ATG16L1: variants seen among roughly 807,000 people sequenced by gnomAD.
ATG16L1 encodes autophagy related 16 like 1.
Under a neutral mutation model 88.5 loss-of-function variants are expected in ATG16L1, and 37 were observed. The observed-to-expected ratio is 0.42, with a 90% CI of 0.32 to 0.55. The LOEUF is 0.55. Among genes scored for constraint, ATG16L1 ranks in the 20% least tolerant of loss-of-function variants. The pLI is 0.13. For synonymous variants in ATG16L1, 301 were observed against 281.0 expected, an observed-to-expected ratio of 1.07 and a Z score of -0.71; for missense variants, 554 against 752.8, an observed-to-expected ratio of 0.74 and a Z score of 3.09.
At position 233,264,914 on chromosome 2, in the gene ATG16L1, A is replaced by C. The variant is rs1229034511; in HGVS notation, c.412A>C (p.Ile138Leu). The C allele has an allele frequency of 1.9e-6, 3 of 1,614,006 alleles. No individual in the cohort carries two copies. Among genetic ancestry groups the C allele is most frequent in the Non-Finnish European group, 1.7e-6 (2 of 1,179,880 alleles). The part of the protein sequence containing the change: ...EAKIAECLQT[I>L]SDLETECLDL... ...CAGAATTGCAGAATGTTTGCAGACT[A>C]TCTCTGACCTGGAGACGGAGTGCCT... is the stretch of plus-strand genomic sequence containing the variant. Residue 138 changes from isoleucine to leucine, a missense_variant, in exon 5 of 18, where the codon ATC (isoleucine) becomes CTC (leucine). Coordinates refer to ENST00000392017, the MANE Select transcript of ATG16L1 (RefSeq NM_030803.7).
intron 5 of ATG16L1, chr2:233,265,941 G>A (rs981344636): frequency 1.3e-5 from 2 of 152,170 alleles, no homozygotes; most frequent in Non-Finnish European, 2.9e-5. Flanking sequence ...GCCCCAGAGA[G>A]CCCAGTCATC....
chr2:233,263,893 CATTT>C, intron 3 of ATG16L1, 95 bp from the exon 4 acceptor site: 2 of 1,186,936 alleles, frequency 1.7e-6, no homozygotes, highest in East Asian at 2.5e-5. Context: ...TCACCCAGCT[CATTT>C]ATTCTTTCTT....
intron 11 of ATG16L1, 147 bp downstream of exon 11, chr2:233,281,322 T>C: frequency 1.5e-6 from 1 of 655,582 alleles, no homozygotes; most frequent in Non-Finnish European, 2.5e-6. Context: ...GGAAATAGAT[T>C]ATAGGGTTAA....
At chr2:233,252,045 C>G in intron 1 of ATG16L1, 103 bp downstream of exon 1, 2 of 1,001,672 alleles carry the variant, frequency 2.0e-6, no homozygotes, top group Middle Eastern at 3.4e-4. Flanking sequence ...GCCGCCCGCA[C>G]GCATGGCGGC....
At chr2:233,278,274 ACCATCTCTTAGAAGTCTGAAG>A (rs1698506907) in intron 10 of ATG16L1, among the ~76,000 whole-genome samples, 1 of 152,218 alleles carries the variant, frequency 6.6e-6, no homozygotes, top group South Asian at 2.1e-4. Flanking sequence ...AGTTAATGAA[ACCATCTCTTAGAAGTCTGAAG>A]CCGGGCATTT....
At chr2:233,261,932 G>A (rs975509166) in intron 2 of ATG16L1, among the ~76,000 whole-genome samples, 1 of 152,180 alleles carries the variant, frequency 6.6e-6, no homozygotes, top group Non-Finnish European at 1.5e-5. Flanking sequence ...TGCTGACAGT[G>A]TCTACATGTT....
At chr2:233,268,343 C>T (rs1697750027) in intron 5 of ATG16L1, among the ~76,000 whole-genome samples, 1 of 152,178 alleles carries the variant, frequency 6.6e-6, no homozygotes, top group South Asian at 2.1e-4. Context: ...GCTGTAATCC[C>T]GGCTACTCAG....
intron 1 of ATG16L1, among the ~76,000 whole-genome samples, chr2:233,253,218 CCA>C (rs1696510402): frequency 6.6e-6 from 1 of 152,022 alleles, no homozygotes; most frequent in African/African-American, 2.4e-5. Context: ...TTTATCTTTC[CCA>C]AAATTCTGTG....
At chr2:233,294,052 C>A (rs979927632) in intron 17 of ATG16L1, among the ~76,000 whole-genome samples, 1 of 152,240 alleles carries the variant, frequency 6.6e-6, no homozygotes. Context: ...CCCAGCATGA[C>A]TTAATTAAGT....
At position 233,293,442 on chromosome 2, in the gene ATG16L1, A is replaced by T. The variant is rs1381468318; in HGVS notation, c.1730+85A>T. ...TCAGGGGTCATCCGGTTTAGACCTC[A>T]GTCGGCGCTGTGAGGGCACTGTCCG... On this transcript the variant is annotated intron_variant, in intron 17 of 17. Coordinates refer to ENST00000392017, the MANE Select transcript of ATG16L1 (RefSeq NM_030803.7). 4.7e-6 allele frequency: 6 copies of T among 1,288,482 alleles called. No individual in the cohort carries two copies. The Admixed American group carries it at 1.0e-4, about 22-fold the overall frequency. The allele number at this position is 1,288,482 out of a possible 1,614,324, so 79.8% of individuals were successfully genotyped here. A position where few individuals can be genotyped will look rare whatever the true frequency, so the allele number is the denominator to read the frequency against.
intron 5 of ATG16L1, among the ~76,000 whole-genome samples, chr2:233,268,915 A>G (rs1697789747): frequency 6.6e-6 from 1 of 152,216 alleles, no homozygotes; most frequent in Non-Finnish European, 1.5e-5. Flanking sequence ...AGAATTCTTG[A>G]TTGCAGCTCA....
intron 1 of ATG16L1, among the ~76,000 whole-genome samples, chr2:233,253,963 C>T (rs1221102263): frequency 6.6e-6 from 1 of 152,192 alleles, no homozygotes; most frequent in Non-Finnish European, 1.5e-5. Context: ...GCTTGACTCA[C>T]CCCTCACTGA....
intron 5 of ATG16L1, among the ~76,000 whole-genome samples, chr2:233,267,463 A>T (rs1291514442): frequency 2.0e-5 from 1 of 49,718 alleles, no homozygotes; most frequent in African/African-American, 5.3e-5. Context: ...ATACTTTTTT[A>T]AAAAAATGAC....
At chr2:233,293,763 T>C (rs1326746637) in intron 17 of ATG16L1, among the ~76,000 whole-genome samples, 4 of 152,148 alleles carry the variant, frequency 2.6e-5, no homozygotes, top group Admixed American at 2.6e-4. Context: ...ACACCTTCTT[T>C]TATCTTCCAC....
chr2:233,253,332 G>GTTTTTTTTTTTTTTTTTTTTTTTTTTT (rs570754671), intron 1 of ATG16L1, among the ~76,000 whole-genome samples: 3 of 112,890 alleles, frequency 2.7e-5, no homozygotes, highest in African/African-American at 3.3e-5. Context: ...GTGAGACTGG[G>GTTTTTTTTTTTTTTTTTTTTTTTTTTT]TTTTTTTGTT....
chr2:233,283,072 A>C (rs1404668156), intron 12 of ATG16L1: 1 of 270,656 alleles, frequency 3.7e-6, no homozygotes, highest in African/African-American at 2.2e-5. Context: ...GTGAATTGTG[A>C]TTCCTGTGGG....
rs1453182007 is a variant in ATG16L1 at position 233,291,984 on chromosome 2, G to A, written c.1431-144G>A. 5.2e-5 allele frequency: 47 copies of A among 899,160 alleles called. No individual in the cohort carries two copies. In the South Asian group the frequency reaches 7.8e-4, roughly 15 times the overall value. 55.7% of individuals were successfully genotyped at this position (899,160 alleles called of 1,614,324 possible). On this transcript the variant is annotated intron_variant, in intron 14 of 17. Transcript: ENST00000392017. Reference sequence around the variant, plus strand: ...GGGAAAGTAAGAAAAGCAGTCACAGGTTATTAGAAGACTGGGAACACATTG... The same window carrying A: ...GGGAAAGTAAGAAAAGCAGTCACAGATTATTAGAAGACTGGGAACACATTG...
chr2:233,273,963 C>T (rs767802062), intron 8 of ATG16L1, 186 bp downstream of exon 8: 15 of 1,549,276 alleles, frequency 9.7e-6, no homozygotes, highest in African/African-American at 5.5e-5. Flanking sequence ...AATCTCGCTG[C>T]GTGCTGATCT....
chr2:233,286,621 C>CTTTTTTTTTTTTTTTTTTTT (rs10676895), intron 12 of ATG16L1, among the ~76,000 whole-genome samples: 1 of 93,298 alleles, frequency 1.1e-5, no homozygotes, highest in African/African-American at 4.6e-5. Flanking sequence ...GAAGCCCAAA[C>CTTTTTTTTTTTTTTTTTTTT]TTTTTTTTTT....
Sources: gnomAD v4.1 joint callset for allele counts (sites outside exome capture counted in the v4.1 genomes callset) on GRCh38, gnomAD v4.1.1 for gene constraint, MANE v1.5 for transcripts, NCBI Gene and HGNC (gene_info 2026-07-23, HGNC 2026-07-21) for gene names.